AREL1: variants seen among roughly 807,000 people sequenced by gnomAD.
The protein encoded by AREL1 is apoptosis-resistant E3 ubiquitin protein ligase 1.
In AREL1, 62 loss-of-function variants were observed where a neutral mutation model predicts 99.0. The ratio of observed to expected loss-of-function variants is 0.63; its 90% CI spans 0.51 to 0.77. The LOEUF (loss-of-function observed/expected upper bound fraction) is 0.77, where lower values mean the gene tolerates loss of function less well. Ranked by LOEUF, AREL1 falls within the 30% of genes least tolerant of loss-of-function variation. The pLI is 0.00. For missense variants in AREL1, 879 were observed against 1,027.6 expected (o/e 0.86, Z 1.98); for synonymous variants, 380 against 376.5 (o/e 1.01, Z -0.11).
chr14:74,662,242 TC>T lies in AREL1; in HGVS notation c.*1477del. On this transcript the variant is annotated 3_prime_UTR_variant, in exon 20 of 20. Coordinates refer to ENST00000356357, the MANE Select transcript of AREL1 (RefSeq NM_001039479.2). ...GCTCAGGAGGGCTTGTTCCTCATGA[TC>T]CCTGCGAACAGGAGGGCTCAGACAT... The T allele has an allele frequency of 4.4e-6, 1 of 226,696 alleles. No homozygotes were observed. The highest frequency in any genetic ancestry group is 8.6e-6 in the Non-Finnish European group (1 of 116,856). The allele number at this position is 226,696 out of a possible 1,614,324, so 14.0% of individuals were successfully genotyped here.
rs2090347122 is a variant in AREL1 at position 74,713,024 on chromosome 14, C to A, written c.-425G>T. 1 of 1,089,702 alleles carries A rather than the reference C, an allele frequency of 9.2e-7. No homozygotes were observed. The highest frequency in any genetic ancestry group is 1.3e-5 in the South Asian group (1 of 77,842). 67.5% of individuals were successfully genotyped at this position (1,089,702 alleles called of 1,614,324 possible). A position where few individuals can be genotyped will look rare whatever the true frequency, so the allele number is the denominator to read the frequency against. The stretch of plus-strand genomic sequence containing the variant: ...AGCAGAAGACGGGCTCCCCACTCTC[C>A]CACCAACAGACCCCAGAGTTGGTCT... On this transcript the variant is annotated 5_prime_UTR_variant, in exon 1 of 20. Coordinates refer to ENST00000356357, the MANE Select transcript of AREL1 (RefSeq NM_001039479.2).
At position 74,662,407 on chromosome 14, in the gene AREL1, C is replaced by T; in HGVS notation, c.*1313G>A. On this transcript the variant is annotated 3_prime_UTR_variant, in exon 20 of 20. Transcript: ENST00000356357. Reference sequence around the variant, plus strand: ...TGGGAATGGTAGCTTGCAGCAAAGCCTTCTTAAAAACACAAATTTGGGAAG... The same window carrying T: ...TGGGAATGGTAGCTTGCAGCAAAGCTTTCTTAAAAACACAAATTTGGGAAG... 1 of 394,982 alleles carries T rather than the reference C, an allele frequency of 2.5e-6. No individual in the cohort carries two copies. The highest frequency in any genetic ancestry group is 4.5e-6 in the Non-Finnish European group (1 of 224,002). The allele number at this position is 394,982 out of a possible 1,614,324, so 24.5% of individuals were successfully genotyped here.
chr14:74,680,097 A>C (rs2089595406), intron 5 of AREL1, among the ~76,000 whole-genome samples: 1 of 151,878 alleles, frequency 6.6e-6, no homozygotes. Context: ...AATTGCCAGA[A>C]CCTGGGAAGA....
At chr14:74,689,675 G>A (rs924507920) in intron 2 of AREL1, among the ~76,000 whole-genome samples, 3 of 129,894 alleles carry the variant, frequency 2.3e-5, no homozygotes, top group African/African-American at 5.7e-5. Context: ...TCAGCTCACC[G>A]CAACCTCTAC....
At chr14:74,693,156 T>C (rs1367210148) in intron 1 of AREL1, among the ~76,000 whole-genome samples, 1 of 152,146 alleles carries the variant, frequency 6.6e-6, no homozygotes, top group Non-Finnish European at 1.5e-5. Context: ...CGGACAGCCT[T>C]ATATGCCATG....
At chr14:74,678,305 T>C (rs1202981459) in intron 5 of AREL1, 3 of 435,164 alleles carry the variant, frequency 6.9e-6, no homozygotes, top group African/African-American at 6.2e-5. Context: ...GAGACCACCC[T>C]GGGCAACATA....
chr14:74,687,100 T>C (rs1021303227), intron 2 of AREL1, among the ~76,000 whole-genome samples: 5 of 152,232 alleles, frequency 3.3e-5, no homozygotes, highest in African/African-American at 1.2e-4. Context: ...TTAACTGCCT[T>C]AGGTACTTCC....
rs556793104 is a variant in AREL1, at chr14:74,692,185, A to C, written c.-190T>G. The stretch of plus-strand genomic sequence containing the variant: ...GGTCAACAGAAAGGGTCTATCCATC[A>C]GACTTTGTCACAGTAATCAGGTCAG... On this transcript the variant is annotated 5_prime_UTR_variant, in exon 2 of 20. Transcript: ENST00000356357. 1 of 453,862 alleles carries C rather than the reference A, an allele frequency of 2.2e-6. No individual in the cohort carries two copies. The highest frequency in any genetic ancestry group is 4.4e-6 in the Non-Finnish European group (1 of 226,378). The allele number at this position is 453,862 out of a possible 1,614,324, so 28.1% of individuals were successfully genotyped here. A position where few individuals can be genotyped will look rare whatever the true frequency, so the allele number is the denominator to read the frequency against.
At position 74,713,003 on chromosome 14, in the gene AREL1, G is replaced by A. The variant is rs1395069299; in HGVS notation, c.-404C>T. 2.3e-6 allele frequency: 2 copies of A among 882,290 alleles called. No homozygotes were observed. The highest frequency in any genetic ancestry group is 2.0e-5 in the Admixed American group (1 of 50,804). The allele number at this position is 882,290 out of a possible 1,614,324, so 54.7% of individuals were successfully genotyped here. A position where few individuals can be genotyped will look rare whatever the true frequency, so the allele number is the denominator to read the frequency against. On this transcript the variant is annotated 5_prime_UTR_variant, in exon 1 of 20. Coordinates refer to ENST00000356357, the MANE Select transcript of AREL1 (RefSeq NM_001039479.2). ...TGGGAAGGGGCGGCAGCACTCAGCAGAAGACGGGCTCCCCACTCTCCCACC... is the reference window on the plus strand; with the variant it reads ...TGGGAAGGGGCGGCAGCACTCAGCAAAAGACGGGCTCCCCACTCTCCCACC...
rs1323080206 is a variant in AREL1 at position 74,676,289 on chromosome 14, G to C, written c.684C>G (p.Val228=). Residue 228 remains valine, a synonymous_variant, in exon 7 of 20, where the codon GTC becomes GTG. Transcript: ENST00000356357. ...LGPQEEESTG[V]SFEKSVTSNR... ...TGGATGTTACTGATTTCTCAAATGA[G>C]ACACCAGTACTCTCTTCTTCTTGAG... 3 of 1,614,000 alleles carry C rather than the reference G, an allele frequency of 1.9e-6. No individual in the cohort carries two copies. The African/African-American group carries it at 4.0e-5, about 22-fold the overall frequency.
chr14:74,666,053 T>C (rs558952559), intron 17 of AREL1, among the ~76,000 whole-genome samples: 7 of 152,370 alleles, frequency 4.6e-5, no homozygotes, highest in Admixed American at 2.0e-4. Context: ...TCAGAAACTT[T>C]AGGCTGAGCT....
Position 74,667,610 on chromosome 14 carries a change from A to G in AREL1, c.1915-16T>C, listed in dbSNP as rs2089238262. 1 of 1,590,978 alleles carries G rather than the reference A, an allele frequency of 6.3e-7. No individual in the cohort carries two copies. Among genetic ancestry groups the G allele is most frequent in the East Asian group, 2.2e-5 (1 of 44,604 alleles). On this transcript the variant is annotated splice_polypyrimidine_tract_variant and intron_variant, in intron 15 of 19. Coordinates refer to ENST00000356357, the MANE Select transcript of AREL1 (RefSeq NM_001039479.2). Reference sequence around the variant, plus strand: ...GTTCTACAACCTGTAACAGGCAGCAAAAGACAGACAAGGGAGAGGCTGTGG... The same window carrying G: ...GTTCTACAACCTGTAACAGGCAGCAGAAGACAGACAAGGGAGAGGCTGTGG...
intron 1 of AREL1, among the ~76,000 whole-genome samples, chr14:74,711,539 T>A (rs996467489): frequency 6.6e-6 from 1 of 151,736 alleles, no homozygotes; most frequent in Non-Finnish European, 1.5e-5. Flanking sequence ...GGAGGCTCTG[T>A]CTCAAAAATA....
chr14:74,701,438 G>C (rs1425777412), intron 1 of AREL1, among the ~76,000 whole-genome samples: 1 of 152,138 alleles, frequency 6.6e-6, no homozygotes, highest in South Asian at 2.1e-4. Flanking sequence ...GAGAGAATGA[G>C]AGCCAAGCGA....
intron 1 of AREL1, among the ~76,000 whole-genome samples, chr14:74,710,922 C>T (rs963779251): frequency 6.6e-6 from 1 of 152,132 alleles, no homozygotes; most frequent in African/African-American, 2.4e-5. Flanking sequence ...AGTTCCAGTG[C>T]AACTATGTTA....
At chr14:74,696,515 A>G (rs2089982207) in intron 1 of AREL1, among the ~76,000 whole-genome samples, 1 of 152,170 alleles carries the variant, frequency 6.6e-6, no homozygotes, top group South Asian at 2.1e-4. Context: ...AACACATACT[A>G]CTAACTCAGT....
At chr14:74,700,442 A>G (rs893821472) in intron 1 of AREL1, among the ~76,000 whole-genome samples, 1 of 152,194 alleles carries the variant, frequency 6.6e-6, no homozygotes, top group Non-Finnish European at 1.5e-5. Flanking sequence ...GGGGAAAAAG[A>G]TATTATTCTT....
chr14:74,677,001 G>A lies in AREL1; in HGVS notation c.482-249C>T, dbSNP rs182324664. On this transcript the variant is annotated intron_variant, in intron 5 of 19. Coordinates refer to ENST00000356357, the MANE Select transcript of AREL1 (RefSeq NM_001039479.2). ...TTTTTAGTGGAGACGGGGTTTCACT[G>A]TGTTAGCCAGGATAGTCTCGATCTC... Among the ~76,000 whole-genome samples the A allele has an allele frequency of 4.3e-3, 656 of 151,872 alleles. 2 individuals carry two copies. Among genetic ancestry groups the A allele is most frequent in the Admixed American group, 6.8e-3 (104 of 15,270 alleles).
chr14:74,689,044 C>T (rs2089811744), intron 2 of AREL1, among the ~76,000 whole-genome samples: 1 of 150,824 alleles, frequency 6.6e-6, no homozygotes, highest in African/African-American at 2.4e-5. Flanking sequence ...GACAGGGTTT[C>T]ACCATGTCAG....
Sources: gnomAD v4.1 joint callset for allele counts (sites outside exome capture counted in the v4.1 genomes callset) on GRCh38, gnomAD v4.1.1 for gene constraint, MANE v1.5 for transcripts, NCBI Gene and HGNC (gene_info 2026-07-23, HGNC 2026-07-21) for gene names.